Variants in DNAH6 observed in about 807,000 individuals in gnomAD.
The protein encoded by DNAH6 is axonemal beta dynein heavy chain 6.
In DNAH6, 340 loss-of-function variants were observed where a neutral mutation model predicts 491.4. That is an observed-to-expected ratio of 0.69 (90% confidence interval 0.63 to 0.76). The LOEUF (loss-of-function observed/expected upper bound fraction) is 0.76. Among genes scored for constraint, DNAH6 ranks in the 30% least tolerant of loss-of-function variants. The pLI, the probability that DNAH6 is intolerant of heterozygous loss-of-function variation, is 0.00. For synonymous variants in DNAH6, 1,603 were observed against 1,686.1 expected (o/e 0.95, Z 1.21); for missense variants, 4,443 against 4,972.2 (o/e 0.89, Z 3.20).
chr2:84,627,931 G>A (rs1688032174), intron 29 of DNAH6, among the ~76,000 whole-genome samples: 1 of 152,200 alleles, frequency 6.6e-6, no homozygotes. Flanking sequence ...TACTGAGATA[G>A]TGGGATATCT....
chr2:84,757,842 C>T lies in DNAH6; in HGVS notation c.10513-4913C>T, dbSNP rs1038780982. 2.6e-5 allele frequency among the ~76,000 whole-genome samples: 4 copies of T among 152,260 alleles called. No individual in the cohort carries two copies. The South Asian group carries it at 6.2e-4, about 24-fold the overall frequency. On this transcript the variant is annotated intron_variant, in intron 63 of 76. Coordinates refer to ENST00000389394, the MANE Select transcript of DNAH6 (RefSeq NM_001370.2). Reference sequence around the variant, plus strand: ...CACCTTCCACCTTCCTGAGAGACAACTATCACCGGGACAAATCAAAGGACA... The same window carrying T: ...CACCTTCCACCTTCCTGAGAGACAATTATCACCGGGACAAATCAAAGGACA...
chr2:84,754,887 T>C (rs752810538), intron 63 of DNAH6, among the ~76,000 whole-genome samples: 8 of 152,240 alleles, frequency 5.3e-5, no homozygotes, highest in Non-Finnish European at 1.0e-4. Context: ...ATTTACCTCT[T>C]AACAACATTA....
At chr2:84,765,856 G>C (rs1675027223) in intron 64 of DNAH6, among the ~76,000 whole-genome samples, 1 of 151,894 alleles carries the variant, frequency 6.6e-6, no homozygotes, top group South Asian at 2.1e-4. Context: ...ACAGAAGGTA[G>C]AAAATAAAGA....
intron 19 of DNAH6, among the ~76,000 whole-genome samples, chr2:84,604,967 C>A (rs747260989): frequency 2.4e-4 from 36 of 152,130 alleles, no homozygotes; most frequent in Non-Finnish European, 4.1e-4. Context: ...AAAAGGAATT[C>A]TTTTTCTGTC....
At chr2:84,538,863 A>G (rs954011221) in intron 4 of DNAH6, among the ~76,000 whole-genome samples, 1 of 152,132 alleles carries the variant, frequency 6.6e-6, no homozygotes, top group Non-Finnish European at 1.5e-5. Flanking sequence ...AAGCTCTTTT[A>G]TCCTTTAAAT....
intron 62 of DNAH6, among the ~76,000 whole-genome samples, chr2:84,733,901 A>G (rs565313093): frequency 3.9e-5 from 6 of 151,938 alleles, no homozygotes; most frequent in African/African-American, 1.4e-4. Context: ...TTATTGAAGG[A>G]TAACATAAAT....
chr2:84,461,938 TA>T, the DNAH6 span, among the ~76,000 whole-genome samples: 1 of 152,144 alleles, frequency 6.6e-6, no homozygotes, highest in African/African-American at 2.4e-5. Context: ...CCGGCTCAGA[TA>T]AGCAAAAGAC....
chr2:84,613,038 G>A (rs1232081984), intron 22 of DNAH6, among the ~76,000 whole-genome samples: 2 of 152,016 alleles, frequency 1.3e-5, no homozygotes, highest in African/African-American at 2.4e-5. Flanking sequence ...AAATACATCT[G>A]CTCCTAAGGA....
chr2:84,571,185 C>A (rs905056221), intron 11 of DNAH6, among the ~76,000 whole-genome samples: 3 of 152,214 alleles, frequency 2.0e-5, no homozygotes, highest in Admixed American at 2.0e-4. Context: ...TGGTAGAATG[C>A]AAGCAAATAA....
At chr2:84,770,141 T>C (rs905419223) in intron 64 of DNAH6, among the ~76,000 whole-genome samples, 2 of 152,198 alleles carry the variant, frequency 1.3e-5, no homozygotes, top group African/African-American at 4.8e-5. Flanking sequence ...ACTAAACTGA[T>C]TGAATAGAGA....
At chr2:84,513,599 C>A (rs1212066522), upstream of DNAH6, among the ~76,000 whole-genome samples, 3 of 151,166 alleles carry the variant, frequency 2.0e-5, no homozygotes, top group Non-Finnish European at 4.4e-5. Flanking sequence ...AATGTGTTTG[C>A]CTTTTAAGTC....
intron 64 of DNAH6, 104 bp from the exon 65 acceptor site, chr2:84,781,389 T>A (rs1676682599): frequency 2.1e-6 from 2 of 951,418 alleles, no homozygotes; most frequent in East Asian, 5.4e-5. Flanking sequence ...GGATTCAAAA[T>A]GTTTATATAT....
the DNAH6 span, among the ~76,000 whole-genome samples, chr2:84,508,817 G>T: frequency 6.6e-6 from 1 of 152,098 alleles, no homozygotes; most frequent in Non-Finnish European, 1.5e-5. Context: ...CCTTCATTTC[G>T]TTATGTACCC....
intron 46 of DNAH6, among the ~76,000 whole-genome samples, chr2:84,696,557 A>G (rs1409429588): frequency 3.3e-5 from 5 of 152,022 alleles, no homozygotes; most frequent in African/African-American, 1.2e-4. Context: ...AGAAAATGGA[A>G]CAAGATAAAG....
At chr2:84,493,709 G>A in the DNAH6 span, among the ~76,000 whole-genome samples, 13 of 152,130 alleles carry the variant, frequency 8.5e-5, no homozygotes, top group Non-Finnish European at 1.5e-4. Flanking sequence ...AGGAATCGGC[G>A]CCAGAAGACT....
chr2:84,748,311 C>A (rs1004644083), intron 63 of DNAH6, among the ~76,000 whole-genome samples: 4 of 152,190 alleles, frequency 2.6e-5, no homozygotes, highest in Non-Finnish European at 1.5e-5. Context: ...TAAGTCATTT[C>A]TTTCCTTCCA....
At chr2:84,723,005 A>C (rs1698309583) in intron 60 of DNAH6, among the ~76,000 whole-genome samples, 1 of 152,176 alleles carries the variant, frequency 6.6e-6, no homozygotes, top group East Asian at 1.9e-4. Context: ...AGGTGGGTGG[A>C]TCACCTGAGG....
At chr2:84,771,275 C>A (rs901262202) in intron 64 of DNAH6, among the ~76,000 whole-genome samples, 3 of 148,894 alleles carry the variant, frequency 2.0e-5, no homozygotes, top group African/African-American at 7.4e-5. Flanking sequence ...GCAACAAGAA[C>A]GAAACTCAGT....
chr2:84,653,696 T>G lies in DNAH6; in HGVS notation c.5456T>G (p.Leu1819Arg), dbSNP rs1377918920. 1 of 1,551,310 alleles carries G rather than the reference T, an allele frequency of 6.4e-7. No individual in the cohort carries two copies. Among genetic ancestry groups the G allele is most frequent in the Admixed American group, 2.0e-5 (1 of 50,978 alleles). ...TLEWKDGLMA[L>R]SVRAAVNDTS... ...GAATGGAAAGATGGTTTGATGGCAC[T>G]AAGTGTCCGAGCAGCTGTGAATGAT... Residue 1819 changes from leucine to arginine, a missense_variant, in exon 34 of 77, where the codon CTA (leucine) becomes CGA (arginine). Physicochemically the swap from Leu to Arg is moderately radical, Grantham distance 102. Around this residue, in one of 3 missense-constraint regions of DNAH6, gnomAD observed 2,977 missense variants for 3,296.6 expected, o/e 0.90. Transcript: ENST00000389394.
Sources: allele counts gnomAD v4.1 joint callset (sites outside exome capture counted in the v4.1 genomes callset), GRCh38; gene constraint gnomAD v4.1.1; regional missense constraint gnomAD v4.1.1; transcripts MANE v1.5; gene names NCBI Gene and HGNC (gene_info 2026-07-23, HGNC 2026-07-21).